PARVB: variants seen among roughly 807,000 people sequenced by gnomAD.
PARVB encodes beta-parvin.
A neutral mutation model predicts 47.0 loss-of-function variants in PARVB; 46 were observed. That is an observed-to-expected ratio of 0.98 (90% confidence interval 0.77 to 1.25). The LOEUF is 1.25. PARVB is among the 50% of genes most tolerant of loss of function. The pLI, the probability that PARVB is intolerant of heterozygous loss-of-function variation, is 0.00. For missense variants in PARVB, 473 were observed against 471.6 expected (o/e 1.00, Z -0.03); for synonymous variants, 196 against 196.3 (o/e 1.00, Z 0.01).
At chr22:44,020,696 G>C (rs572876275), upstream of PARVB, among the ~76,000 whole-genome samples, 13 of 152,272 alleles carry the variant, frequency 8.5e-5, no homozygotes, top group South Asian at 2.7e-3. Context: ...TGGAGGAGGG[G>C]CATTAAGCTT....
At chr22:44,026,321 T>TGGAGG (rs1205387268) in intron 1 of PARVB, 5 of 985,482 alleles carry the variant, frequency 5.1e-6, no homozygotes, top group Non-Finnish European at 6.0e-6. Context: ...AGAACGGGCG[T>TGGAGG]GGAGGCAGGA....
At chr22:44,102,327 G>T (rs2052468079) in intron 3 of PARVB, among the ~76,000 whole-genome samples, 1 of 152,154 alleles carries the variant, frequency 6.6e-6, no homozygotes, top group Non-Finnish European at 1.5e-5. Context: ...CACCATTCCA[G>T]ACACACCCAG....
chr22:44,130,927 C>A (rs1246573540), intron 4 of PARVB, among the ~76,000 whole-genome samples: 1 of 151,914 alleles, frequency 6.6e-6, no homozygotes, highest in Non-Finnish European at 1.5e-5. Context: ...CATGGTTCAA[C>A]ATCTCAAGAC....
At chr22:44,097,455 T>G (rs1238477121) in intron 2 of PARVB, among the ~76,000 whole-genome samples, 1 of 152,006 alleles carries the variant, frequency 6.6e-6, no homozygotes, top group African/African-American at 2.4e-5. Flanking sequence ...ATGTCCAGGG[T>G]CCCCGGTCAA....
chr22:44,001,254 A>AAATC (rs995651722), intron 2 of PARVB, among the ~76,000 whole-genome samples: 1 of 152,206 alleles, frequency 6.6e-6, no homozygotes, highest in Non-Finnish European at 1.5e-5. Flanking sequence ...CATCTCAGAA[A>AAATC]AATCAATCAA....
At position 44,132,959 on chromosome 22, in the gene PARVB, G is replaced by GCC; in HGVS notation, c.587_588dup (p.Ile197ProfsTer8). 1 of 1,614,054 alleles carries GCC rather than the reference G, an allele frequency of 6.2e-7. No individual in the cohort carries two copies. The highest frequency in any genetic ancestry group is 8.5e-7 in the Non-Finnish European group (1 of 1,179,992). ...GGTCTCTCTGGCCATGCACTTCAGG[G>GCC]CCCCCATCCGCCTTCCTGAGCATGT... On this transcript the variant is annotated frameshift_variant, in exon 6 of 13. Coordinates refer to ENST00000338758, the MANE Select transcript of PARVB (RefSeq NM_013327.5). LOFTEE classifies it high-confidence loss of function.
intron 8 of PARVB, 103 bp from the exon 9 acceptor site, chr22:44,147,758 G>T (rs1214313285): frequency 1.1e-6 from 1 of 912,898 alleles, no homozygotes; most frequent in Admixed American, 1.7e-5. Context: ...TGGGAGTTGA[G>T]GCTGAACCTC....
At chr22:44,152,713 T>C (rs1173491471) in intron 10 of PARVB, 2 of 152,176 alleles carry the variant, frequency 1.3e-5, no homozygotes, top group Non-Finnish European at 2.9e-5. Context: ...TAAATTATAT[T>C]TTTGGGCACT....
At chr22:44,044,235 G>C (rs1404527594) in intron 1 of PARVB, among the ~76,000 whole-genome samples, 1 of 147,496 alleles carries the variant, frequency 6.8e-6, no homozygotes, top group East Asian at 2.0e-4. Flanking sequence ...CTGTTGTCAA[G>C]GCTGGAGTGC....
upstream of PARVB, among the ~76,000 whole-genome samples, chr22:44,022,268 C>G (rs2050658817): frequency 6.6e-6 from 1 of 152,160 alleles, no homozygotes; most frequent in Non-Finnish European, 1.5e-5. Context: ...CCAGTGTCCT[C>G]TCCCTGTCTC....
intron 1 of PARVB, among the ~76,000 whole-genome samples, chr22:44,070,780 G>A (rs928102645): frequency 6.6e-5 from 10 of 152,210 alleles, no homozygotes; most frequent in East Asian, 1.9e-4. Context: ...GGGGCTTGGC[G>A]GCTGGAGGAG....
Position 44,132,795 on chromosome 22 carries a change from G to C in PARVB, c.518-99G>C, listed in dbSNP as rs943846291. ...TTCGCTCCATCCTTGTCTCGCTGGG[G>C]TCTCATTTAGATGCTGTGTCTCTGT... On this transcript the variant is annotated intron_variant, in intron 5 of 12. Coordinates refer to ENST00000338758, the MANE Select transcript of PARVB (RefSeq NM_013327.5). 1.4e-5 allele frequency: 10 copies of C among 723,032 alleles called. No homozygotes were observed. The African/African-American group carries it at 1.6e-4, about 12-fold the overall frequency. 44.8% of individuals were successfully genotyped at this position (723,032 alleles called of 1,614,324 possible). A position where few individuals can be genotyped will look rare whatever the true frequency, so the allele number is the denominator to read the frequency against.
rs2052492310 is a variant in PARVB at position 44,103,252 on chromosome 22, C to T, written c.273+3129C>T. On this transcript the variant is annotated intron_variant, in intron 3 of 12. Transcript: ENST00000338758. The surrounding 1 kb of genome is among the most constrained non-coding windows in gnomAD (Gnocchi z 4.6). ...TTTGGGGCAAAGTACAACTATGGGG[C>T]AAAATACAACTAAGAACAGGAAGGA... 1.3e-5 allele frequency: 2 copies of T among 152,166 alleles called. No homozygotes were observed. The highest frequency in any genetic ancestry group is 1.3e-4 in the Admixed American group (2 of 15,286). 9.4% of individuals were successfully genotyped at this position (152,166 alleles called of 1,614,324 possible). A position where few individuals can be genotyped will look rare whatever the true frequency, so the allele number is the denominator to read the frequency against.
At chr22:44,163,697 G>T (rs995552102) in intron 11 of PARVB, among the ~76,000 whole-genome samples, 161 bp from the exon 12 acceptor site, 8 of 152,150 alleles carry the variant, frequency 5.3e-5, no homozygotes, top group African/African-American at 1.9e-4. Flanking sequence ...TTCCTCACCC[G>T]TGTCTGCCCA....
intron 10 of PARVB, among the ~76,000 whole-genome samples, chr22:44,157,677 G>C (rs950141218): frequency 5.9e-5 from 9 of 152,084 alleles, no homozygotes; most frequent in Non-Finnish European, 1.5e-5. Context: ...CCAGGAATTT[G>C]AGACCAGCCT....
At position 44,059,347 on chromosome 22, in the gene PARVB, C is replaced by T. The variant is rs539756253; in HGVS notation, c.113-34581C>T. Among the ~76,000 whole-genome samples, 32 of 152,176 alleles carry T rather than the reference C, an allele frequency of 2.1e-4. 1 individual carries two copies. The South Asian group carries it at 3.3e-3, about 16-fold the overall frequency. Reference sequence around the variant, plus strand: ...AGACATGAGCCTCTGTGCCCAGCCCCGTGGCTAGTTATTAGACTGTTCTAG... The same window carrying T: ...AGACATGAGCCTCTGTGCCCAGCCCTGTGGCTAGTTATTAGACTGTTCTAG... On this transcript the variant is annotated intron_variant, in intron 1 of 12. Transcript: ENST00000338758.
chr22:44,114,073 C>G (rs1352391038), intron 3 of PARVB: 2 of 104,292 alleles, frequency 1.9e-5, no homozygotes, highest in Non-Finnish European at 3.7e-5. Flanking sequence ...TACATTGTTA[C>G]TAAGTAAGGC....
intron 1 of PARVB, among the ~76,000 whole-genome samples, chr22:44,043,537 C>G (rs2051059176): frequency 1.3e-5 from 2 of 152,112 alleles, no homozygotes; most frequent in Non-Finnish European, 2.9e-5. Flanking sequence ...GCCACCACGC[C>G]TGGCTAATTT....
At chr22:44,073,558 G>A (rs2051701296) in intron 1 of PARVB, among the ~76,000 whole-genome samples, 3 of 152,158 alleles carry the variant, frequency 2.0e-5, no homozygotes, top group South Asian at 2.1e-4. Context: ...TAAACGTCTC[G>A]AATACCAATG....
Sources: allele counts gnomAD v4.1 joint callset (sites outside exome capture counted in the v4.1 genomes callset), GRCh38; gene constraint gnomAD v4.1.1; non-coding constraint Gnocchi (gnomAD v3.1); transcripts MANE v1.5; gene names NCBI Gene and HGNC (gene_info 2026-07-23, HGNC 2026-07-21).